Variants in OCA2 observed in about 807,000 individuals in gnomAD.
The protein encoded by OCA2 is OCA2 melanosomal transmembrane protein, also known as P protein.
OCA2 carries 77 observed loss-of-function variants against 100.2 expected under a neutral mutation model. That is an observed-to-expected ratio of 0.77 (90% CI 0.64 to 0.93). The LOEUF is 0.93. OCA2 is among the 40% of genes least tolerant of loss of function. The probability of loss-of-function intolerance (pLI) is 0.00; values close to 1 mark genes in which losing one functional copy is unlikely to be tolerated. For synonymous variants in OCA2, 432 were observed against 439.2 expected (o/e 0.98, Z 0.21); for missense variants, 1,062 against 1,089.1 (o/e 0.98, Z 0.35).
At chr15:27,843,529 G>A (rs1287988456) in intron 23 of OCA2, among the ~76,000 whole-genome samples, 3 of 152,192 alleles carry the variant, frequency 2.0e-5, no homozygotes, top group African/African-American at 7.2e-5. Flanking sequence ...AGAGGCAGAT[G>A]AGAGTCCAAA....
intron 9 of OCA2, among the ~76,000 whole-genome samples, chr15:28,003,010 C>T (rs2041975049): frequency 6.6e-6 from 1 of 152,240 alleles, no homozygotes; most frequent in Non-Finnish European, 1.5e-5. Context: ...CCTCCAGCAT[C>T]CGAAACCTCC....
chr15:27,947,923 C>T (rs771533694), intron 18 of OCA2, among the ~76,000 whole-genome samples: 1 of 152,160 alleles, frequency 6.6e-6, no homozygotes. Flanking sequence ...TGAGCCTTTG[C>T]CTCAGGCTGT....
At chr15:27,894,640 C>T (rs1291013419) in intron 19 of OCA2, among the ~76,000 whole-genome samples, 2 of 152,196 alleles carry the variant, frequency 1.3e-5, no homozygotes, top group Non-Finnish European at 2.9e-5. Flanking sequence ...TCTCCTGCTT[C>T]AGCCCAGCCC....
intron 23 of OCA2, among the ~76,000 whole-genome samples, chr15:27,790,283 G>A (rs1453929165): frequency 6.6e-6 from 1 of 152,154 alleles, no homozygotes; most frequent in African/African-American, 2.4e-5. Flanking sequence ...GTAGGAAAAC[G>A]AACTTTCATA....
At chr15:27,913,898 AGCAAGCAAGC>A (rs1567098681) in intron 19 of OCA2, among the ~76,000 whole-genome samples, 20 of 39,930 alleles carry the variant, frequency 5.0e-4, no homozygotes, top group African/African-American at 1.4e-3. Flanking sequence ...AAAGAAAGCA[AGCAAGCAAGC>A]AAGCAAGCAA....
chr15:28,058,414 T>C (rs1478251243), intron 2 of OCA2, among the ~76,000 whole-genome samples: 1 of 152,170 alleles, frequency 6.6e-6, no homozygotes, highest in Non-Finnish European at 1.5e-5. Flanking sequence ...TTCATCTGCC[T>C]CTAGCAGGGA....
chr15:27,753,418 C>T (rs923168631), downstream of OCA2, among the ~76,000 whole-genome samples: 1 of 151,822 alleles, frequency 6.6e-6, no homozygotes, highest in Non-Finnish European at 1.5e-5. Flanking sequence ...GAAATGAGCC[C>T]GGAGCTAATG....
At chr15:27,928,987 T>C (rs76059051) in intron 18 of OCA2, among the ~76,000 whole-genome samples, 1 of 152,306 alleles carries the variant, frequency 6.6e-6, no homozygotes, top group Non-Finnish European at 1.5e-5. Context: ...CAGAGAGGTA[T>C]GTACGAATTA....
At chr15:27,804,283 A>G (rs1420407797) in intron 23 of OCA2, among the ~76,000 whole-genome samples, 1 of 152,232 alleles carries the variant, frequency 6.6e-6, no homozygotes, top group Non-Finnish European at 1.5e-5. Context: ...AAGTGCCTTG[A>G]AAAATGAACG....
In OCA2 at chr15:27,966,780, T is replaced by C; in HGVS notation, c.1546A>G (p.Ile516Val). The change falls in exon 15 of 24, where the codon ATT (isoleucine) becomes GTT (valine). Residue 516 changes from isoleucine (I) to valine (V), a missense_variant. Physicochemically the swap from Ile to Val is conservative, Grantham distance 29. Coordinates refer to ENST00000354638, the MANE Select transcript of OCA2 (RefSeq NM_000275.3). The stretch of plus-strand genomic sequence containing the variant: ...AAGCAGACCAGGAGAACAAGGCAAA[T>C]CCCAATGAACATGTGTGCAGTGAAT... ...AGFTAHMFIG[I>V]CLVLLVCFPL... 1 of 1,612,898 alleles carries C rather than the reference T, an allele frequency of 6.2e-7. No individual in the cohort carries two copies. The highest frequency in any genetic ancestry group is 8.5e-7 in the Non-Finnish European group (1 of 1,179,882).
chr15:27,880,105 G>C (rs1271314114), intron 19 of OCA2, among the ~76,000 whole-genome samples: 1 of 152,182 alleles, frequency 6.6e-6, no homozygotes, highest in Non-Finnish European at 1.5e-5. Flanking sequence ...TTATTAAATA[G>C]GGAATCCTAT....
chr15:27,895,503 G>A (rs1379804510), intron 19 of OCA2, among the ~76,000 whole-genome samples: 4 of 152,162 alleles, frequency 2.6e-5, no homozygotes, highest in South Asian at 2.1e-4. Flanking sequence ...GGTCCCAGAC[G>A]GACCTGAGGA....
chr15:27,846,136 C>T (rs1450812679), intron 22 of OCA2, among the ~76,000 whole-genome samples: 2 of 152,008 alleles, frequency 1.3e-5, no homozygotes, highest in African/African-American at 2.4e-5. Flanking sequence ...GGAGCAGCTG[C>T]GATATGCGAG....
chr15:28,056,204 T>C (rs573478324), intron 2 of OCA2, among the ~76,000 whole-genome samples: 1 of 152,294 alleles, frequency 6.6e-6, no homozygotes, highest in East Asian at 1.9e-4. Context: ...GACCTGCCTG[T>C]GTGCTTCCCA....
chr15:27,966,605 A>G (rs546232854), intron 15 of OCA2, 85 bp downstream of exon 15: 2 of 1,491,224 alleles, frequency 1.3e-6, no homozygotes, highest in East Asian at 4.5e-5. Flanking sequence ...ATCAACAGAT[A>G]CTTCCTAATA....
chr15:27,764,099 G>T (rs551413022), intron 23 of OCA2, among the ~76,000 whole-genome samples: 1 of 151,680 alleles, frequency 6.6e-6, no homozygotes, highest in Non-Finnish European at 1.5e-5. Flanking sequence ...AAACAGAAGG[G>T]ACAGGGGAGA....
intron 1 of OCA2, among the ~76,000 whole-genome samples, chr15:28,097,596 A>T (rs894448125): frequency 2.6e-5 from 4 of 152,138 alleles, no homozygotes; most frequent in Admixed American, 6.5e-5. Context: ...TCTCCCAAGA[A>T]ACCTCATCCT....
chr15:27,831,238 A>G (rs1382195975), intron 23 of OCA2, among the ~76,000 whole-genome samples: 1 of 134,002 alleles, frequency 7.5e-6, no homozygotes, highest in African/African-American at 2.8e-5. Context: ...GCGAGCCGAG[A>G]TTGTGCCACT....
At chr15:27,794,793 C>G (rs1054046700) in intron 23 of OCA2, among the ~76,000 whole-genome samples, 3 of 152,108 alleles carry the variant, frequency 2.0e-5, no homozygotes, top group Non-Finnish European at 4.4e-5. Context: ...AATTTTTATG[C>G]AGAAGTTCCA....
Sources: gnomAD v4.1 joint callset for allele counts (sites outside exome capture counted in the v4.1 genomes callset) on GRCh38, gnomAD v4.1.1 for gene constraint, MANE v1.5 for transcripts, NCBI Gene and HGNC (gene_info 2026-07-23, HGNC 2026-07-21) for gene names.